The following AGBL4 variants were observed in gnomAD, a reference collection of about 807,000 sequenced individuals.
AGBL4 encodes the protein cytosolic carboxypeptidase 6.
In AGBL4, 58 loss-of-function variants were observed where a neutral mutation model predicts 66.4. The ratio of observed to expected loss-of-function variants is 0.87; its 90% CI spans 0.71 to 1.09. The LOEUF is 1.09. Among genes scored for constraint, AGBL4 ranks in the 50% least tolerant of loss-of-function variants. The probability of loss-of-function intolerance (pLI) is 0.00; values close to 1 mark genes in which losing one functional copy is unlikely to be tolerated. For missense variants in AGBL4, 579 were observed against 631.0 expected (o/e 0.92, Z 0.88); for synonymous variants, 234 against 222.9 (o/e 1.05, Z -0.44).
At chr1:48,711,328 A>G (rs405325) in intron 6 of AGBL4, among the ~76,000 whole-genome samples, 132,526 of 151,808 alleles carry the variant, frequency 0.87, 60,348 homozygotes, top group Non-Finnish European at 1. Flanking sequence ...CTACCAACTG[A>G]ACAAGTGCTT....
chr1:49,948,530 TATATAA>T (rs1655740653), intron 1 of AGBL4, among the ~76,000 whole-genome samples: 2 of 57,644 alleles, frequency 3.5e-5, no homozygotes, highest in African/African-American at 5.2e-5. Context: ...TAAATAAATA[TATATAA>T]ATATATAAAT....
chr1:49,579,753 C>T (rs1050974428), intron 3 of AGBL4, among the ~76,000 whole-genome samples: 1 of 152,200 alleles, frequency 6.6e-6, no homozygotes, highest in Non-Finnish European at 1.5e-5. Flanking sequence ...CCTGCCTAGG[C>T]CTCCCAAAGT....
intron 3 of AGBL4, among the ~76,000 whole-genome samples, chr1:49,437,577 T>C (rs931560755): frequency 1.3e-5 from 2 of 152,210 alleles, no homozygotes; most frequent in African/African-American, 2.4e-5. Context: ...GGTCGAGTTA[T>C]AGTGGAATGT....
At chr1:49,110,230 G>C (rs1645379313) in intron 4 of AGBL4, among the ~76,000 whole-genome samples, 1 of 151,980 alleles carries the variant, frequency 6.6e-6, no homozygotes, top group South Asian at 2.1e-4. Context: ...TTTTTCTCAT[G>C]TGGCAAAACT....
At chr1:49,084,457 C>T (rs1268038946) in intron 4 of AGBL4, among the ~76,000 whole-genome samples, 1 of 152,146 alleles carries the variant, frequency 6.6e-6, no homozygotes, top group Non-Finnish European at 1.5e-5. Flanking sequence ...AAAGGTACAT[C>T]TTACATTACA....
At chr1:49,694,574 C>T (rs1344150178) in intron 3 of AGBL4, among the ~76,000 whole-genome samples, 8 of 152,116 alleles carry the variant, frequency 5.3e-5, no homozygotes, top group African/African-American at 1.9e-4. Context: ...ATATTGGTCC[C>T]TTCAACTTTA....
At chr1:49,562,548 C>A (rs1435025329) in intron 3 of AGBL4, among the ~76,000 whole-genome samples, 1 of 152,110 alleles carries the variant, frequency 6.6e-6, no homozygotes, top group African/African-American at 2.4e-5. Flanking sequence ...TTTCCCAGCA[C>A]CATTTATTAA....
chr1:49,207,895 T>C (rs1020144268), intron 4 of AGBL4, among the ~76,000 whole-genome samples: 5 of 152,150 alleles, frequency 3.3e-5, no homozygotes, highest in Admixed American at 2.6e-4. Flanking sequence ...CTTGATTCTT[T>C]TAGCCACTAA....
chr1:49,154,489 A>C (rs1646394449), intron 4 of AGBL4, among the ~76,000 whole-genome samples: 1 of 152,160 alleles, frequency 6.6e-6, no homozygotes, highest in South Asian at 2.1e-4. Context: ...ACACTGCACA[A>C]AATACTGGTA....
intron 2 of AGBL4, among the ~76,000 whole-genome samples, chr1:49,751,400 T>G (rs566191791): frequency 1.5e-3 from 236 of 152,340 alleles, no homozygotes; most frequent in Non-Finnish European, 2.7e-3. Flanking sequence ...TTTAAGTATG[T>G]TGAACCAGCC....
intron 9 of AGBL4, among the ~76,000 whole-genome samples, chr1:48,607,197 T>C (rs1349579061): frequency 6.6e-6 from 1 of 152,194 alleles, no homozygotes; most frequent in Non-Finnish European, 1.5e-5. Context: ...CATTTGTGAC[T>C]ACTTAAATTT....
At chr1:49,877,488 C>A (rs1433661288) in intron 1 of AGBL4, among the ~76,000 whole-genome samples, 1 of 150,544 alleles carries the variant, frequency 6.6e-6, no homozygotes, top group Admixed American at 6.6e-5. Flanking sequence ...TTGAACCAGC[C>A]TTGCATCCCA....
chr1:49,932,610 A>G (rs913751926), intron 1 of AGBL4, among the ~76,000 whole-genome samples: 8 of 152,148 alleles, frequency 5.3e-5, no homozygotes, highest in African/African-American at 1.9e-4. Flanking sequence ...GATAAAACAC[A>G]TATCAAGAAT....
At chr1:49,848,634 T>C (rs1268674668) in intron 2 of AGBL4, among the ~76,000 whole-genome samples, 3 of 152,106 alleles carry the variant, frequency 2.0e-5, no homozygotes, top group Non-Finnish European at 4.4e-5. Context: ...GAACGTGGAA[T>C]AATAGCCCCT....
chr1:48,668,040 C>T (rs76523971), intron 6 of AGBL4, among the ~76,000 whole-genome samples: 3,962 of 146,480 alleles, frequency 0.027, 187 homozygotes, highest in African/African-American at 0.094. Context: ...GTTGTTGACA[C>T]CTGAGCCTTT....
At chr1:48,573,594 G>T (rs931411768) in intron 11 of AGBL4, among the ~76,000 whole-genome samples, 1 of 152,074 alleles carries the variant, frequency 6.6e-6, no homozygotes, top group Non-Finnish European at 1.5e-5. Context: ...AACTATGCAC[G>T]TGAGGACAGA....
intron 8 of AGBL4, among the ~76,000 whole-genome samples, chr1:48,636,738 T>G (rs1257036098): frequency 6.6e-6 from 1 of 152,222 alleles, no homozygotes; most frequent in African/African-American, 2.4e-5. Flanking sequence ...ACAGCCACAC[T>G]CATCTGAAAC....
At chr1:49,912,281 C>T (rs1228867974) in intron 1 of AGBL4, among the ~76,000 whole-genome samples, 1 of 152,148 alleles carries the variant, frequency 6.6e-6, no homozygotes, top group Non-Finnish European at 1.5e-5. Flanking sequence ...CACAGCAAAT[C>T]CTGAGAGGGA....
At chr1:48,687,964 C>T (rs1030798318) in intron 6 of AGBL4, among the ~76,000 whole-genome samples, 8 of 152,244 alleles carry the variant, frequency 5.3e-5, no homozygotes, top group Non-Finnish European at 1.0e-4. Flanking sequence ...CTCCATAGCA[C>T]TCATTACCCC....
Sources: gnomAD v4.1 joint callset for allele counts (sites outside exome capture counted in the v4.1 genomes callset) on GRCh38, gnomAD v4.1.1 for gene constraint, MANE v1.5 for transcripts, NCBI Gene and HGNC (gene_info 2026-07-23, HGNC 2026-07-21) for gene names.